ROBO1: variants seen among roughly 807,000 people sequenced by gnomAD.
ROBO1 encodes roundabout homolog 1.
Under a neutral mutation model 195.9 loss-of-function variants are expected in ROBO1, and 149 were observed. The observed-to-expected ratio is 0.76, with a 90% CI of 0.67 to 0.87. The LOEUF is 0.87. ROBO1 is among the 40% of genes least tolerant of loss of function. The pLI is 0.00. For missense variants in ROBO1, 1,933 were observed against 2,068.3 expected (o/e 0.93, Z 1.27); for synonymous variants, 816 against 733.2 (o/e 1.11, Z -1.82).
intron 4 of ROBO1, among the ~76,000 whole-genome samples, chr3:78,850,182 G>A (rs2033963208): frequency 6.6e-6 from 1 of 152,078 alleles, no homozygotes; most frequent in Admixed American, 6.6e-5. Context: ...TGACACCTTT[G>A]TCAGAATGTA....
chr3:79,586,691 T>C (rs1291592463), intron 2 of ROBO1, among the ~76,000 whole-genome samples: 1 of 151,896 alleles, frequency 6.6e-6, no homozygotes, highest in Non-Finnish European at 1.5e-5. Context: ...TTAATTAAAT[T>C]CCACTATATG....
intron 8 of ROBO1, among the ~76,000 whole-genome samples, chr3:78,714,006 T>C (rs2081834384): frequency 1.3e-5 from 2 of 152,176 alleles, no homozygotes; most frequent in Admixed American, 6.5e-5. Context: ...CTTGAAGTAA[T>C]GAAAGACTTG....
intron 4 of ROBO1, among the ~76,000 whole-genome samples, chr3:78,894,202 A>G (rs1158847492): frequency 6.6e-6 from 1 of 152,180 alleles, no homozygotes; most frequent in Non-Finnish European, 1.5e-5. Flanking sequence ...CACATCATTC[A>G]TTTTCAGAGA....
chr3:79,264,337 A>G (rs1233172714), intron 2 of ROBO1, among the ~76,000 whole-genome samples: 1 of 151,790 alleles, frequency 6.6e-6, no homozygotes, highest in Admixed American at 6.6e-5. Flanking sequence ...GAATTTATAT[A>G]TATATATGTA....
chr3:79,115,234 G>C (rs1267214711), intron 3 of ROBO1, among the ~76,000 whole-genome samples: 1 of 152,100 alleles, frequency 6.6e-6, no homozygotes, highest in Non-Finnish European at 1.5e-5. Context: ...TAGTTACTAA[G>C]AACACAAAAA....
chr3:78,647,695 G>T (rs1389347543), intron 19 of ROBO1, 40 bp from the exon 20 acceptor site: 1 of 1,553,570 alleles, frequency 6.4e-7, no homozygotes, highest in Admixed American at 1.7e-5. Context: ...TTATTAAGCT[G>T]AAGAGAGAAA....
At chr3:79,547,528 A>G (rs1466449727) in intron 2 of ROBO1, among the ~76,000 whole-genome samples, 1 of 152,186 alleles carries the variant, frequency 6.6e-6, no homozygotes, top group Non-Finnish European at 1.5e-5. Flanking sequence ...ATTTCCAAAT[A>G]TATATAATTT....
rs111513585 is a variant in ROBO1 at position 79,139,768 on chromosome 3, T to A, written c.89-14229A>T. ...TCCGTCTGTTGACTTTTTTTGTTAT[T>A]CTCTCCACCCACTTTGCCCTGGTAT... On this transcript the variant is annotated intron_variant, in intron 2 of 30. Transcript: ENST00000464233. 5.9e-5 allele frequency among the ~76,000 whole-genome samples: 9 copies of A among 152,260 alleles called. 1 individual carries two copies. Among genetic ancestry groups the A allele is most frequent in the African/African-American group, 2.2e-4 (9 of 41,570 alleles).
chr3:79,386,977 A>C (rs2106671400), intron 2 of ROBO1, among the ~76,000 whole-genome samples: 1 of 152,294 alleles, frequency 6.6e-6, no homozygotes, highest in Admixed American at 6.5e-5. Context: ...GGGATATGTC[A>C]GAATGGTGAC....
At chr3:79,473,925 T>C (rs1413716771) in intron 2 of ROBO1, among the ~76,000 whole-genome samples, 1 of 152,078 alleles carries the variant, frequency 6.6e-6, no homozygotes, top group Non-Finnish European at 1.5e-5. Flanking sequence ...AGCAAAAAAT[T>C]ATGTCTAAGA....
intron 2 of ROBO1, among the ~76,000 whole-genome samples, chr3:79,186,614 G>T (rs1290937476): frequency 6.6e-6 from 1 of 152,038 alleles, no homozygotes; most frequent in Non-Finnish European, 1.5e-5. Context: ...ACACGTTATA[G>T]GATTAGACTC....
intron 3 of ROBO1, among the ~76,000 whole-genome samples, chr3:78,943,215 C>CA (rs1246660505): frequency 4.6e-5 from 7 of 151,368 alleles, no homozygotes; most frequent in African/African-American, 7.3e-5. Flanking sequence ...GACTCAGTCT[C>CA]AAAAAAAACA....
intron 1 of ROBO1, among the ~76,000 whole-genome samples, chr3:79,653,110 C>A (rs936672715): frequency 2.6e-5 from 4 of 151,578 alleles, no homozygotes; most frequent in Non-Finnish European, 4.4e-5. Context: ...ATGAAAAAAT[C>A]AATTCCATAT....
At chr3:78,711,777 C>A (rs1575996089) in intron 8 of ROBO1, among the ~76,000 whole-genome samples, 1 of 151,122 alleles carries the variant, frequency 6.6e-6, no homozygotes, top group Non-Finnish European at 1.5e-5. Flanking sequence ...GCATGAGCCA[C>A]CACGCCCGGC....
chr3:78,851,422 C>T (rs2034057431), intron 4 of ROBO1, among the ~76,000 whole-genome samples: 1 of 152,146 alleles, frequency 6.6e-6, no homozygotes, highest in Non-Finnish European at 1.5e-5. Flanking sequence ...GTTACCAGTC[C>T]TTATGGCATT....
chr3:78,740,478 C>CTTTT (rs1553716533), intron 5 of ROBO1, among the ~76,000 whole-genome samples: 1 of 78,378 alleles, frequency 1.3e-5, no homozygotes, highest in Non-Finnish European at 2.9e-5. Context: ...TTCTTTCTTT[C>CTTTT]TTTTTTTTTT....
chr3:78,653,538 T>C (rs1175272515), intron 18 of ROBO1, among the ~76,000 whole-genome samples: 6 of 152,230 alleles, frequency 3.9e-5, no homozygotes, highest in Admixed American at 6.5e-5. Flanking sequence ...TCCCACCTGC[T>C]GGTTGAGCAA....
chr3:79,332,992 A>G lies in ROBO1; in HGVS notation c.89-207453T>C, dbSNP rs2034509404. 3.9e-5 allele frequency among the ~76,000 whole-genome samples: 6 copies of G among 152,222 alleles called. 1 individual carries two copies. In the South Asian group the frequency reaches 1.2e-3, roughly 32 times the overall value. The stretch of plus-strand genomic sequence containing the variant: ...TGAGGTGAGTGGATCACCTGATGTC[A>G]GGAGTTCGAGACCAGCCCGACCAAT... On this transcript the variant is annotated intron_variant, in intron 2 of 30. Coordinates refer to ENST00000464233, the MANE Select transcript of ROBO1 (RefSeq NM_002941.4).
At chr3:78,799,535 G>A (rs560163576) in intron 4 of ROBO1, among the ~76,000 whole-genome samples, 5 of 151,956 alleles carry the variant, frequency 3.3e-5, no homozygotes, top group Non-Finnish European at 7.4e-5. Context: ...TAGAGACGGG[G>A]TTTCACCGTG....
Sources: gnomAD v4.1 joint callset for allele counts (sites outside exome capture counted in the v4.1 genomes callset) on GRCh38, gnomAD v4.1.1 for gene constraint, MANE v1.5 for transcripts, NCBI Gene and HGNC (gene_info 2026-07-23, HGNC 2026-07-21) for gene names.